Variants in ERVH48-1 observed in about 807,000 individuals in gnomAD.
ERVH48-1 encodes the protein suppressyn.
In ERVH48-1, 4 loss-of-function variants were observed where a neutral mutation model predicts 2.4. The ratio of observed to expected loss-of-function variants is 1.68; its 90% confidence interval spans 0.83 to 3.84. The LOEUF is 3.84. Among genes scored for constraint, ERVH48-1 ranks in the 30% most tolerant of loss-of-function variants. ERVH48-1 has a pLI of 0.01. For synonymous variants in ERVH48-1, 32 were observed against 15.5 expected, an observed-to-expected ratio of 2.06 and a Z score of -2.49; for missense variants, 97 against 43.4, an observed-to-expected ratio of 2.23 and a Z score of -3.47.
At chr21:42,922,810 G>C (rs576534267) in intron 1 of ERVH48-1, among the ~76,000 whole-genome samples, 1 of 151,808 alleles carries the variant, frequency 6.6e-6, no homozygotes, top group East Asian at 1.9e-4. Flanking sequence ...GGTGGAGGGG[G>C]GCTCGGGATT....
rs1414871105 is a variant in ERVH48-1 at position 42,918,267 on chromosome 21, A to T, written c.*257T>A. ...ACGGCGCGATGGGTTTTATCAGTCC[A>T]CTTGCGGGATATGCACACCGTCCCT... is the stretch of plus-strand genomic sequence containing the variant. On this transcript the variant is annotated 3_prime_UTR_variant, in exon 2 of 2. Transcript: ENST00000447535. The T allele has an allele frequency of 3.1e-6, 1 of 326,962 alleles. No homozygotes were observed. Among genetic ancestry groups the T allele is most frequent in the African/African-American group, 2.2e-5 (1 of 46,282 alleles). The allele number at this position is 326,962 out of a possible 1,614,324, so 20.3% of individuals were successfully genotyped here.
chr21:42,923,694 G>A (rs1020764178), intron 1 of ERVH48-1, among the ~76,000 whole-genome samples: 7 of 152,232 alleles, frequency 4.6e-5, no homozygotes, highest in African/African-American at 1.7e-4. Context: ...GATAATCCCA[G>A]TGGGGGTCCT....
At chr21:42,924,038 T>C (rs1167399356) in intron 1 of ERVH48-1, among the ~76,000 whole-genome samples, 3 of 152,078 alleles carry the variant, frequency 2.0e-5, no homozygotes, top group Admixed American at 6.5e-5. Flanking sequence ...GAAGTAAGGG[T>C]GGGGCATGGG....
chr21:42,919,754 T>G (rs192414398), intron 1 of ERVH48-1, among the ~76,000 whole-genome samples: 1 of 152,304 alleles, frequency 6.6e-6, no homozygotes, highest in Admixed American at 6.5e-5. Context: ...AACAGGGAAT[T>G]ATATGCATGT....
rs1175549708 is a variant in ERVH48-1, at chr21:42,918,491, A to AT, written c.*32dup. 5 of 438,384 alleles carry AT rather than the reference A, an allele frequency of 1.1e-5. No homozygotes were observed. Among genetic ancestry groups the AT allele is most frequent in the South Asian group, 3.2e-5 (2 of 61,622 alleles). The allele number at this position is 438,384 out of a possible 1,614,324, so 27.2% of individuals were successfully genotyped here. ...ATGGTTCTCCTAGATCTACAAACAG[A>AT]TTTTTTCCTGGCTTAGGAAGGGATG... On this transcript the variant is annotated 3_prime_UTR_variant, in exon 2 of 2. Coordinates refer to ENST00000447535, the MANE Select transcript of ERVH48-1 (RefSeq NM_001308491.2).
rs553585844 is a variant in ERVH48-1 at position 42,918,703 on chromosome 21, T to G, written c.304A>C (p.Ile102Leu). The G allele has an allele frequency of 2.2e-6, 1 of 456,708 alleles. No individual in the cohort carries two copies. Among genetic ancestry groups the G allele is most frequent in the African/African-American group, 2.0e-5 (1 of 50,202 alleles). 28.3% of individuals were successfully genotyped at this position (456,708 alleles called of 1,614,324 possible). The change falls in exon 2 of 2, where the codon ATT becomes CTT. Residue 102 changes from isoleucine (I) to leucine (L), a missense_variant. Physicochemically the swap from Ile to Leu is conservative, Grantham distance 5 (BLOSUM62 2). Transcript: ENST00000447535. ...AGCCACTGCTTCCCTCTGGGGCAAA[T>G]AGCCCCATTACGACTGCCACATACT... ...LGVCGSRNGA[I>L]CPRGKQWLCF...
Position 42,918,553 on chromosome 21 carries a change from G to C in ERVH48-1, c.454C>G (p.His152Asp), listed in dbSNP as rs768586119. Residue 152 changes from histidine (H) to aspartate (D), a missense_variant, in exon 2 of 2, where the codon CAT (histidine) becomes GAT (aspartate). Physicochemically the swap from His to Asp is moderately conservative, Grantham distance 81. Coordinates refer to ENST00000447535, the MANE Select transcript of ERVH48-1 (RefSeq NM_001308491.2). ...PTTPPENRPRHFHSFIQKL is the reference protein window; with the variant it reads ...PTTPPENRPRDFHSFIQKL The stretch of plus-strand genomic sequence containing the variant: ...AGTTTTTGTATAAAGGAATGGAAAT[G>C]CCGCGGGCGATTTTCAGGGGGAGTT... 5.5e-5 allele frequency: 25 copies of C among 456,162 alleles called. No individual in the cohort carries two copies. Among genetic ancestry groups the C allele is most frequent in the Non-Finnish European group, 1.0e-4 (23 of 226,712 alleles). 28.3% of individuals were successfully genotyped at this position (456,162 alleles called of 1,614,324 possible).
chr21:42,925,328 G>A lies in ERVH48-1; in HGVS notation c.-286+18C>T, dbSNP rs1200330264. The A allele has an allele frequency of 9.2e-5, 38 of 414,002 alleles. 1 individual carries two copies. The highest frequency in any genetic ancestry group is 6.8e-4 in the South Asian group (30 of 44,378). 25.6% of individuals were successfully genotyped at this position (414,002 alleles called of 1,614,324 possible). A position where few individuals can be genotyped will look rare whatever the true frequency, so the allele number is the denominator to read the frequency against. On this transcript the variant is annotated intron_variant, in intron 1 of 1. Coordinates refer to ENST00000447535, the MANE Select transcript of ERVH48-1 (RefSeq NM_001308491.2). The stretch of plus-strand genomic sequence containing the variant: ...CGTGCGGATTTTTCCCTGTTAACCG[G>A]GCTCCCAGGAAACTTACCAGTAGGC...
intron 1 of ERVH48-1, among the ~76,000 whole-genome samples, chr21:42,920,524 C>T (rs2058802674): frequency 1.3e-5 from 2 of 152,148 alleles, no homozygotes; most frequent in African/African-American, 4.8e-5. Flanking sequence ...AGTGTGAGTG[C>T]ACTACGTGGA....
Position 42,918,866 on chromosome 21 carries a change from ACACT to A in ERVH48-1, c.137_140del (p.Glu46ValfsTer21), listed in dbSNP as rs1410420908. The A allele has an allele frequency of 2.4e-5, 11 of 458,378 alleles. No individual in the cohort carries two copies. Among genetic ancestry groups the A allele is most frequent in the Non-Finnish European group, 4.8e-5 (11 of 228,648 alleles). 28.4% of individuals were successfully genotyped at this position (458,378 alleles called of 1,614,324 possible). A position where few individuals can be genotyped will look rare whatever the true frequency, so the allele number is the denominator to read the frequency against. ...CCCCTCTGTAGTGCAAAGACTGATA[ACACT>A]CACGGCAGCTCGGAGGGGCTGCTGT... is the stretch of plus-strand genomic sequence containing the variant. On this transcript the variant is annotated frameshift_variant, in exon 2 of 2. Transcript: ENST00000447535. LOFTEE classifies it high-confidence loss of function.
intron 1 of ERVH48-1, among the ~76,000 whole-genome samples, chr21:42,922,397 A>G (rs1268680041): frequency 1.3e-5 from 2 of 151,920 alleles, no homozygotes; most frequent in Admixed American, 6.6e-5. Context: ...GAGTTTTGAA[A>G]GCATGGCTCT....
At chr21:42,919,633 G>A (rs544033390) in intron 1 of ERVH48-1, among the ~76,000 whole-genome samples, 2 of 152,174 alleles carry the variant, frequency 1.3e-5, no homozygotes, top group Non-Finnish European at 2.9e-5. Flanking sequence ...GATTGAGGCC[G>A]GTAGGGTGTG....
chr21:42,923,681 C>T (rs1473340751), intron 1 of ERVH48-1, among the ~76,000 whole-genome samples: 1 of 152,182 alleles, frequency 6.6e-6, no homozygotes, highest in African/African-American at 2.4e-5. Context: ...AAGGCCCCAT[C>T]TTGATAATCC....
In ERVH48-1 at chr21:42,922,765, AGTG is replaced by A. The variant is rs1358008029; in HGVS notation, c.-286+2578_-286+2580del. Reference sequence around the variant, plus strand: ...AAAAAAAAAAAAAAAAAAAAAAAAAAGTGAGTGAAGGAAAAGGCATGAAGGGAG... The same window carrying A: ...AAAAAAAAAAAAAAAAAAAAAAAAAAAGTGAAGGAAAAGGCATGAAGGGAG... On this transcript the variant is annotated intron_variant, in intron 1 of 1. Transcript: ENST00000447535. Among the ~76,000 whole-genome samples the A allele has an allele frequency of 1.2e-3, 165 of 141,588 alleles. 1 individual carries two copies. Among genetic ancestry groups the A allele is most frequent in the African/African-American group, 4.2e-3 (159 of 38,234 alleles). 92.9% of individuals were successfully genotyped at this position (141,588 alleles called of 152,430 possible).
chr21:42,919,580 T>C (rs975087916), intron 1 of ERVH48-1, among the ~76,000 whole-genome samples: 2 of 152,114 alleles, frequency 1.3e-5, no homozygotes, highest in Non-Finnish European at 2.9e-5. Context: ...GCTTGGTGAG[T>C]TGGGCTTTAA....
chr21:42,925,474 C>T lies in ERVH48-1; in HGVS notation c.-414G>A, dbSNP rs571843190. Reference sequence around the variant, plus strand: ...GTGGTAGGTCCACTGGGGACGTGGACGGAAGCCCCTCGCAGGTTTCAGGGC... The same window carrying T: ...GTGGTAGGTCCACTGGGGACGTGGATGGAAGCCCCTCGCAGGTTTCAGGGC... On this transcript the variant is annotated 5_prime_UTR_variant, in exon 1 of 2. Transcript: ENST00000447535. 1.7e-4 allele frequency: 65 copies of T among 388,856 alleles called. No individual in the cohort carries two copies. The highest frequency in any genetic ancestry group is 1.3e-3 in the South Asian group (54 of 40,692). 24.1% of individuals were successfully genotyped at this position (388,856 alleles called of 1,614,324 possible).
chr21:42,921,810 G>GCTGTCTCTAAAACA (rs1412175140), intron 1 of ERVH48-1, among the ~76,000 whole-genome samples: 1 of 152,080 alleles, frequency 6.6e-6, no homozygotes, highest in Non-Finnish European at 1.5e-5. Context: ...AAAGGTGGGT[G>GCTGTCTCTAAAACA]TTGGGGTCTT....
At chr21:42,923,893 G>T (rs1443287649) in intron 1 of ERVH48-1, among the ~76,000 whole-genome samples, 2 of 152,214 alleles carry the variant, frequency 1.3e-5, no homozygotes, top group African/African-American at 4.8e-5. Flanking sequence ...TCTAATATAA[G>T]AGGCAGGGTA....
chr21:42,920,792 T>C (rs2058803413), intron 1 of ERVH48-1, among the ~76,000 whole-genome samples: 1 of 152,190 alleles, frequency 6.6e-6, no homozygotes, highest in Admixed American at 6.5e-5. Flanking sequence ...GTTTGAACAG[T>C]GTCCACACAG....
Sources: gnomAD v4.1 joint callset for allele counts (sites outside exome capture counted in the v4.1 genomes callset) on GRCh38, gnomAD v4.1.1 for gene constraint, MANE v1.5 for transcripts, NCBI Gene and HGNC (gene_info 2026-07-23, HGNC 2026-07-21) for gene names.